Variants in ATRNL1 observed in about 807,000 individuals in gnomAD.
ATRNL1 encodes the protein attractin-like protein 1.
A neutral mutation model predicts 182.7 loss-of-function variants in ATRNL1; 95 were observed. The observed-to-expected ratio is 0.52, with a 90% confidence interval of 0.44 to 0.62. The LOEUF (loss-of-function observed/expected upper bound fraction) is 0.62, where lower values mean the gene tolerates loss of function less well. Ranked by LOEUF, ATRNL1 falls within the 20% of genes least tolerant of loss-of-function variation. ATRNL1 has a pLI of 0.00. For synonymous variants in ATRNL1, 576 were observed against 568.3 expected (o/e 1.01, Z -0.19); for missense variants, 1,471 against 1,679.5 (o/e 0.88, Z 2.17).
chr10:115,498,873 T>C (rs1271250349), intron 24 of ATRNL1, among the ~76,000 whole-genome samples: 1 of 152,100 alleles, frequency 6.6e-6, no homozygotes, highest in Non-Finnish European at 1.5e-5. Context: ...TTTCAGCTTT[T>C]AGACATAACC....
At chr10:115,175,212 C>T (rs1847454181) in intron 8 of ATRNL1, among the ~76,000 whole-genome samples, 1 of 151,968 alleles carries the variant, frequency 6.6e-6, no homozygotes, top group African/African-American at 2.4e-5. Flanking sequence ...ATTTCGTGTG[C>T]TTCATCGTTT....
intron 9 of ATRNL1, among the ~76,000 whole-genome samples, chr10:115,226,052 T>G (rs1277213198): frequency 6.6e-6 from 1 of 151,494 alleles, no homozygotes; most frequent in African/African-American, 2.4e-5. Context: ...TTTACAATAA[T>G]TAAGTGTTGT....
chr10:115,096,383 C>T (rs993401679), intron 1 of ATRNL1, among the ~76,000 whole-genome samples: 1 of 152,096 alleles, frequency 6.6e-6, no homozygotes, highest in Non-Finnish European at 1.5e-5. Context: ...AAGAATTCTT[C>T]TTGGTAAAGT....
intron 28 of ATRNL1, among the ~76,000 whole-genome samples, chr10:115,864,723 C>T (rs1951395867): frequency 6.6e-6 from 1 of 152,200 alleles, no homozygotes; most frequent in African/African-American, 2.4e-5. Flanking sequence ...TGGCTCACGC[C>T]TGTAATCCCA....
intron 27 of ATRNL1, among the ~76,000 whole-genome samples, chr10:115,750,933 A>G (rs1292689469): frequency 6.6e-5 from 10 of 152,064 alleles, no homozygotes; most frequent in Non-Finnish European, 1.3e-4. Flanking sequence ...GGTTGGCAAA[A>G]ACACAAAAGG....
At chr10:115,733,190 C>G (rs1012512149) in intron 27 of ATRNL1, among the ~76,000 whole-genome samples, 4 of 152,058 alleles carry the variant, frequency 2.6e-5, no homozygotes, top group Non-Finnish European at 4.4e-5. Context: ...CAGTTGTTTA[C>G]AGCATGATTA....
At chr10:115,892,906 G>A (rs1194335067) in intron 28 of ATRNL1, among the ~76,000 whole-genome samples, 2 of 152,184 alleles carry the variant, frequency 1.3e-5, no homozygotes, top group African/African-American at 2.4e-5. Context: ...TTGCTCAAAA[G>A]TTGTTTATAT....
chr10:115,929,535 AC>A (rs1289326759), intron 28 of ATRNL1, among the ~76,000 whole-genome samples: 1 of 152,138 alleles, frequency 6.6e-6, no homozygotes, highest in Non-Finnish European at 1.5e-5. Context: ...GTATGAAGGA[AC>A]CCAAGGCTGG....
intron 27 of ATRNL1, among the ~76,000 whole-genome samples, chr10:115,796,387 T>A (rs1457784410): frequency 6.6e-6 from 1 of 151,974 alleles, no homozygotes; most frequent in Non-Finnish European, 1.5e-5. Flanking sequence ...CCCTAATGGC[T>A]TTAGGACTAA....
intron 28 of ATRNL1, among the ~76,000 whole-genome samples, chr10:115,916,151 C>G (rs1262784218): frequency 1.3e-5 from 2 of 152,224 alleles, no homozygotes; most frequent in African/African-American, 2.4e-5. Flanking sequence ...AATGGACCAT[C>G]TTAAAGGGCA....
chr10:115,391,325 G>T (rs1844007856), intron 19 of ATRNL1, among the ~76,000 whole-genome samples: 1 of 152,070 alleles, frequency 6.6e-6, no homozygotes, highest in East Asian at 1.9e-4. Context: ...AGTAATTGTG[G>T]AATATATGAC....
At chr10:115,558,392 G>A (rs2133829757) in intron 26 of ATRNL1, among the ~76,000 whole-genome samples, 1 of 152,280 alleles carries the variant, frequency 6.6e-6, no homozygotes, top group East Asian at 1.9e-4. Context: ...CTGGAAGAAG[G>A]TTTTGTCTGT....
chr10:115,455,883 A>G (rs1330320576), intron 21 of ATRNL1, among the ~76,000 whole-genome samples: 2 of 152,200 alleles, frequency 1.3e-5, no homozygotes, highest in African/African-American at 4.8e-5. Flanking sequence ...AATATGAAAA[A>G]AAGCTCATCA....
intron 26 of ATRNL1, among the ~76,000 whole-genome samples, chr10:115,569,323 T>G (rs868907339): frequency 2.0e-5 from 3 of 152,224 alleles, no homozygotes; most frequent in Middle Eastern, 3.2e-3. Flanking sequence ...TTATGAACTT[T>G]GTACATTGTT....
intron 26 of ATRNL1, among the ~76,000 whole-genome samples, chr10:115,617,528 T>A (rs1389256541): frequency 6.6e-6 from 1 of 152,018 alleles, no homozygotes; most frequent in Non-Finnish European, 1.5e-5. Flanking sequence ...CCCAGCTAAT[T>A]TTTGTATTTT....
chr10:115,368,471 A>G (rs1290710066), intron 19 of ATRNL1, among the ~76,000 whole-genome samples: 2 of 152,100 alleles, frequency 1.3e-5, no homozygotes, highest in East Asian at 1.9e-4. Context: ...GAAATGCAGA[A>G]ATCACCCGTC....
chr10:115,094,504 T>C (rs1015592300), intron 1 of ATRNL1, among the ~76,000 whole-genome samples: 2 of 152,196 alleles, frequency 1.3e-5, no homozygotes, highest in Non-Finnish European at 2.9e-5. Context: ...CCCATTCTCT[T>C]CTCTCTAGAG....
intron 4 of ATRNL1, chr10:115,128,592 C>G (rs80130448): frequency 5.2e-6 from 1 of 190,772 alleles, no homozygotes; most frequent in Non-Finnish European, 9.7e-6. Flanking sequence ...TTTGGGAGGC[C>G]GAGGCGGGCA....
At chr10:115,742,007 C>T (rs1327325851) in intron 27 of ATRNL1, among the ~76,000 whole-genome samples, 1 of 152,152 alleles carries the variant, frequency 6.6e-6, no homozygotes, top group Admixed American at 6.6e-5. Flanking sequence ...CATTTCAAAG[C>T]AGTCAATGAA....
Sources: gnomAD v4.1 joint callset for allele counts (sites outside exome capture counted in the v4.1 genomes callset) on GRCh38, gnomAD v4.1.1 for gene constraint, MANE v1.5 for transcripts, NCBI Gene and HGNC (gene_info 2026-07-23, HGNC 2026-07-21) for gene names.